Variants in SUGCT observed in about 807,000 individuals in gnomAD.
SUGCT encodes the protein succinyl-CoA:glutarate-CoA transferase, also known as succinyl-CoA:glutarate CoA-transferase.
Under a neutral mutation model 55.0 loss-of-function variants are expected in SUGCT, and 41 were observed. The ratio of observed to expected loss-of-function variants is 0.74; its 90% CI spans 0.58 to 0.97. The LOEUF is 0.97. Among genes scored for constraint, SUGCT ranks in the 50% least tolerant of loss-of-function variants. SUGCT has a pLI of 0.00. For synonymous variants in SUGCT, 187 were observed against 200.4 expected (o/e 0.93, Z 0.56); for missense variants, 568 against 547.8 (o/e 1.04, Z -0.37).
At chr7:40,363,761 G>T (rs552222185) in intron 9 of SUGCT, among the ~76,000 whole-genome samples, 1 of 152,048 alleles carries the variant, frequency 6.6e-6, no homozygotes, top group Non-Finnish European at 1.5e-5. Flanking sequence ...AATAGGTGTG[G>T]TGTGGTGCTG....
intron 1 of SUGCT, among the ~76,000 whole-genome samples, chr7:40,174,925 A>T (rs1584256150): frequency 6.6e-6 from 1 of 152,122 alleles, no homozygotes; most frequent in Non-Finnish European, 1.5e-5. Context: ...TTGAATAGTT[A>T]TCTTTTAAAT....
At chr7:40,878,435 G>C in the SUGCT span, among the ~76,000 whole-genome samples, 1 of 152,272 alleles carries the variant, frequency 6.6e-6, no homozygotes, top group East Asian at 1.9e-4. Flanking sequence ...GGACAGGGCT[G>C]ATTGTCTGGT....
chr7:40,184,703 C>T (rs1309010781), intron 3 of SUGCT, among the ~76,000 whole-genome samples: 1 of 152,064 alleles, frequency 6.6e-6, no homozygotes, highest in African/African-American at 2.4e-5. Flanking sequence ...TCTGATCCTA[C>T]GGGTCTTAAA....
intron 13 of SUGCT, among the ~76,000 whole-genome samples, chr7:40,845,058 A>T (rs55748232): frequency 0.35 from 52,621 of 151,064 alleles, 9,987 homozygotes; most frequent in East Asian, 0.82. Context: ...TTGGTGGTTT[A>T]TTTTTTATTT....
chr7:40,477,794 T>G (rs760600603), intron 11 of SUGCT, among the ~76,000 whole-genome samples: 2 of 152,202 alleles, frequency 1.3e-5, no homozygotes, highest in Admixed American at 6.5e-5. Flanking sequence ...GTTGTAGGCT[T>G]GTATATTCTG....
intron 9 of SUGCT, among the ~76,000 whole-genome samples, chr7:40,362,000 T>C (rs2151224323): frequency 6.6e-6 from 1 of 151,744 alleles, no homozygotes; most frequent in East Asian, 1.9e-4. Context: ...TGTGAGGGGA[T>C]CACAATATTT....
intron 12 of SUGCT, among the ~76,000 whole-genome samples, chr7:40,548,420 C>A (rs1795127324): frequency 6.6e-6 from 1 of 151,934 alleles, no homozygotes; most frequent in Admixed American, 6.6e-5. Flanking sequence ...TGCATCTTGA[C>A]CTCCTGTCTT....
chr7:41,029,206 A>G, the SUGCT span, among the ~76,000 whole-genome samples: 1 of 152,182 alleles, frequency 6.6e-6, no homozygotes, highest in African/African-American at 2.4e-5. Flanking sequence ...CCATGACGTG[A>G]GCATGAGTCA....
At chr7:40,387,426 T>G (rs565860392) in intron 9 of SUGCT, among the ~76,000 whole-genome samples, 1 of 152,202 alleles carries the variant, frequency 6.6e-6, no homozygotes, top group African/African-American at 2.4e-5. Flanking sequence ...TACTTTCTAT[T>G]TGGGTTTTTG....
the SUGCT span, among the ~76,000 whole-genome samples, chr7:40,942,533 T>C: frequency 1.3e-5 from 2 of 152,172 alleles, no homozygotes; most frequent in African/African-American, 2.4e-5. Context: ...GATGACTATA[T>C]AGCTTGGTGA....
the SUGCT span, among the ~76,000 whole-genome samples, chr7:40,899,625 G>C: frequency 4.0e-5 from 6 of 151,570 alleles, no homozygotes; most frequent in South Asian, 8.3e-4. Flanking sequence ...CATACAATAT[G>C]GTTTTTATAA....
intron 12 of SUGCT, among the ~76,000 whole-genome samples, chr7:40,660,966 G>C (rs1036267303): frequency 2.0e-5 from 3 of 152,110 alleles, no homozygotes; most frequent in African/African-American, 7.2e-5. Context: ...CCTGAGGCTG[G>C]TTAAAACCAA....
the SUGCT span, among the ~76,000 whole-genome samples, chr7:40,937,428 C>T: frequency 2.0e-5 from 3 of 152,134 alleles, no homozygotes; most frequent in Non-Finnish European, 4.4e-5. Flanking sequence ...GCCTTGGCCT[C>T]GCAAAGGCAT....
chr7:40,511,771 A>G (rs1285985757), intron 12 of SUGCT, among the ~76,000 whole-genome samples: 2 of 152,220 alleles, frequency 1.3e-5, no homozygotes. Flanking sequence ...AGCCCTATAT[A>G]TGCCATGGTT....
chr7:40,295,368 G>A (rs1250482316), intron 8 of SUGCT, among the ~76,000 whole-genome samples: 1 of 152,178 alleles, frequency 6.6e-6, no homozygotes, highest in East Asian at 1.9e-4. Context: ...CTGAGGTCAG[G>A]AGTTCGAGAC....
At chr7:40,483,625 A>G (rs1011997507) in intron 11 of SUGCT, among the ~76,000 whole-genome samples, 1 of 152,094 alleles carries the variant, frequency 6.6e-6, no homozygotes, top group African/African-American at 2.4e-5. Context: ...TTTGTAATTT[A>G]TGTAACTGAT....
chr7:40,445,324 T>C (rs775729901), intron 9 of SUGCT, among the ~76,000 whole-genome samples: 53 of 152,178 alleles, frequency 3.5e-4, no homozygotes, highest in Admixed American at 1.0e-3. Context: ...ATATCACCAC[T>C]GATCCCACAG....
intron 12 of SUGCT, among the ~76,000 whole-genome samples, chr7:40,502,385 G>C (rs565886814): frequency 6.6e-6 from 1 of 152,008 alleles, no homozygotes; most frequent in South Asian, 2.1e-4. Context: ...ATTAGTACCA[G>C]CTAATTTTTG....
intron 10 of SUGCT, among the ~76,000 whole-genome samples, chr7:40,451,346 C>G (rs1244842391): frequency 6.6e-6 from 1 of 152,186 alleles, no homozygotes; most frequent in African/African-American, 2.4e-5. Flanking sequence ...TACTGCCGAT[C>G]AAGTTAACAC....
Sources: allele counts gnomAD v4.1 joint callset (sites outside exome capture counted in the v4.1 genomes callset), GRCh38; gene constraint gnomAD v4.1.1; transcripts MANE v1.5; gene names NCBI Gene and HGNC (gene_info 2026-07-23, HGNC 2026-07-21).